Variants in CFAP299 observed in about 807,000 individuals in gnomAD.
The protein encoded by CFAP299 is cilia and flagella associated protein 299.
In CFAP299, 21 loss-of-function variants were observed where a neutral mutation model predicts 27.0. That is an observed-to-expected ratio of 0.78 (90% confidence interval 0.55 to 1.12). The LOEUF (loss-of-function observed/expected upper bound fraction) is 1.12. Ranked by LOEUF, CFAP299 falls within the 50% of genes most tolerant of loss-of-function variation. CFAP299 has a pLI of 0.00. For synonymous variants in CFAP299, 104 were observed against 98.1 expected (o/e 1.06, Z -0.36); for missense variants, 310 against 276.6 (o/e 1.12, Z -0.86).
chr4:80,870,096 C>G lies in CFAP299; in HGVS notation c.437C>G (p.Thr146Ser), dbSNP rs771139326. The change falls in exon 4 of 6, where the codon ACT becomes AGT. Residue 146 changes from threonine to serine, a missense_variant. Transcript: ENST00000358105. ...LKTEDFEVYF[T>S]GKKRLLPRPT... ...ACGGAAGATTTTGAAGTCTACTTTACTGGAAAAAAAAGACTTCTTCCAAGG... is the reference window on the plus strand; with the variant it reads ...ACGGAAGATTTTGAAGTCTACTTTAGTGGAAAAAAAAGACTTCTTCCAAGG... The G allele has an allele frequency of 6.2e-6, 10 of 1,612,650 alleles. No homozygotes were observed. The highest frequency in any genetic ancestry group is 1.7e-5 in the Admixed American group (1 of 59,778).
chr4:80,563,412 A>G (rs964779574), intron 2 of CFAP299, among the ~76,000 whole-genome samples: 1 of 152,146 alleles, frequency 6.6e-6, no homozygotes, highest in African/African-American at 2.4e-5. Flanking sequence ...AACTATACAA[A>G]TACATACAAA....
chr4:80,775,626 T>TA (rs1298351275), intron 3 of CFAP299, among the ~76,000 whole-genome samples: 3 of 151,302 alleles, frequency 2.0e-5, no homozygotes, highest in African/African-American at 4.9e-5. Flanking sequence ...GAAAGTTTAC[T>TA]AAAAAAAAGC....
At chr4:80,824,538 C>T (rs959976020) in intron 3 of CFAP299, among the ~76,000 whole-genome samples, 2 of 152,100 alleles carry the variant, frequency 1.3e-5, no homozygotes, top group African/African-American at 4.8e-5. Context: ...GCCAGTGCCT[C>T]GTACTCTCCC....
At chr4:80,497,852 C>T (rs999504101) in intron 2 of CFAP299, among the ~76,000 whole-genome samples, 7 of 152,064 alleles carry the variant, frequency 4.6e-5, no homozygotes, top group South Asian at 2.1e-4. Context: ...TACCCAACTT[C>T]GAAGTATATT....
At chr4:80,862,380 G>A (rs980975456) in intron 3 of CFAP299, among the ~76,000 whole-genome samples, 1 of 151,466 alleles carries the variant, frequency 6.6e-6, no homozygotes, top group Non-Finnish European at 1.5e-5. Context: ...GAAAAATATA[G>A]TAAATAAATA....
At chr4:80,770,274 C>G (rs1413085028) in intron 3 of CFAP299, among the ~76,000 whole-genome samples, 1 of 152,086 alleles carries the variant, frequency 6.6e-6, no homozygotes, top group Non-Finnish European at 1.5e-5. Context: ...TGTTCCTCTT[C>G]CTAGAGGCCC....
intron 2 of CFAP299, among the ~76,000 whole-genome samples, chr4:80,521,895 C>T (rs887905439): frequency 6.6e-6 from 1 of 151,796 alleles, no homozygotes; most frequent in Non-Finnish European, 1.5e-5. Flanking sequence ...TTGTTTTCAC[C>T]TCTTGGCTGT....
intron 3 of CFAP299, among the ~76,000 whole-genome samples, chr4:80,630,180 G>A (rs74887673): frequency 0.018 from 2,741 of 152,246 alleles, 38 homozygotes; most frequent in Non-Finnish European, 0.023. Flanking sequence ...CCTTCCAGAA[G>A]AGAATGGAAG....
intron 3 of CFAP299, among the ~76,000 whole-genome samples, chr4:80,754,936 A>G (rs1725148722): frequency 6.6e-6 from 1 of 152,106 alleles, no homozygotes; most frequent in South Asian, 2.1e-4. Context: ...TTGTTGTTGT[A>G]AGGGAGGAAA....
chr4:80,443,380 A>G (rs926352450), intron 2 of CFAP299, among the ~76,000 whole-genome samples: 2 of 152,206 alleles, frequency 1.3e-5, no homozygotes, highest in Non-Finnish European at 2.9e-5. Context: ...TTCAACATGC[A>G]CAAGTCAATA....
At chr4:80,688,284 G>A (rs1399166837) in intron 3 of CFAP299, among the ~76,000 whole-genome samples, 1 of 152,204 alleles carries the variant, frequency 6.6e-6, no homozygotes, top group Non-Finnish European at 1.5e-5. Flanking sequence ...AGACTTAAGT[G>A]TCCCTGTCTG....
intron 3 of CFAP299, among the ~76,000 whole-genome samples, chr4:80,670,107 T>G (rs1486513462): frequency 6.6e-6 from 1 of 152,136 alleles, no homozygotes; most frequent in Non-Finnish European, 1.5e-5. Flanking sequence ...TCATTTACAT[T>G]AGGTATTTCT....
intron 2 of CFAP299, among the ~76,000 whole-genome samples, chr4:80,579,007 C>A (rs1173481392): frequency 3.3e-5 from 5 of 152,132 alleles, no homozygotes; most frequent in African/African-American, 1.2e-4. Context: ...GGTCAAGTAT[C>A]TTTTTGGATT....
chr4:80,676,342 A>G (rs1039324609), intron 3 of CFAP299, among the ~76,000 whole-genome samples: 2 of 152,124 alleles, frequency 1.3e-5, no homozygotes, highest in African/African-American at 4.8e-5. Flanking sequence ...AACATGTTGT[A>G]TTTTTGAATT....
In CFAP299 at chr4:80,911,837, T is replaced by C. The variant is rs989910247; in HGVS notation, c.477-32973T>C. On this transcript the variant is annotated intron_variant, in intron 4 of 5. Coordinates refer to ENST00000358105, the MANE Select transcript of CFAP299 (RefSeq NM_152770.3). ...TGTTTTACATTCAAGAAATCTGTGT[T>C]CATTTATTTAATATTTTTTCATACC... 2.6e-5 allele frequency among the ~76,000 whole-genome samples: 4 copies of C among 152,182 alleles called. No individual in the cohort carries two copies. In the East Asian group the frequency reaches 7.7e-4, roughly 29 times the overall value.
chr4:80,804,793 A>T (rs1728782030), intron 3 of CFAP299, among the ~76,000 whole-genome samples: 1 of 152,156 alleles, frequency 6.6e-6, no homozygotes, highest in African/African-American at 2.4e-5. Context: ...TACAGATAGG[A>T]TTAATTACAT....
At chr4:80,955,192 G>A (rs1162992521) in intron 5 of CFAP299, among the ~76,000 whole-genome samples, 1 of 152,066 alleles carries the variant, frequency 6.6e-6, no homozygotes, top group Non-Finnish European at 1.5e-5. Context: ...TGCAGAACAA[G>A]TTGGAAGGGA....
chr4:80,854,851 T>G (rs1243680111), intron 3 of CFAP299, among the ~76,000 whole-genome samples: 10 of 111,296 alleles, frequency 9.0e-5, no homozygotes, highest in Non-Finnish European at 7.5e-5. Flanking sequence ...AAAAGGAAAA[T>G]TGGGTTGAAA....
intron 4 of CFAP299, among the ~76,000 whole-genome samples, chr4:80,879,343 T>C (rs1733573642): frequency 6.6e-6 from 1 of 152,122 alleles, no homozygotes; most frequent in Non-Finnish European, 1.5e-5. Flanking sequence ...AAGAGAGAAA[T>C]AATTAGCTTG....
Sources: gnomAD v4.1 joint callset for allele counts (sites outside exome capture counted in the v4.1 genomes callset) on GRCh38, gnomAD v4.1.1 for gene constraint, MANE v1.5 for transcripts, NCBI Gene and HGNC (gene_info 2026-07-23, HGNC 2026-07-21) for gene names.